UNC5D: variants seen among roughly 807,000 people sequenced by gnomAD.
UNC5D encodes the protein netrin receptor UNC5D.
A neutral mutation model predicts 105.4 loss-of-function variants in UNC5D; 39 were observed. The ratio of observed to expected loss-of-function variants is 0.37; its 90% CI spans 0.29 to 0.48. UNC5D has a LOEUF of 0.48. UNC5D is among the 20% of genes least tolerant of loss of function. The probability of loss-of-function intolerance (pLI) is 0.98; values close to 1 mark genes in which losing one functional copy is unlikely to be tolerated. For synonymous variants in UNC5D, 452 were observed against 450.4 expected, an observed-to-expected ratio of 1.00 and a Z score of -0.04; for missense variants, 991 against 1,202.4, an observed-to-expected ratio of 0.82 and a Z score of 2.60.
At chr8:35,516,257 G>T (rs552421128) in intron 1 of UNC5D, among the ~76,000 whole-genome samples, 1 of 152,248 alleles carries the variant, frequency 6.6e-6, no homozygotes, top group Non-Finnish European at 1.5e-5. Flanking sequence ...CCCATCAGTT[G>T]CATGCAAATC....
At chr8:35,433,367 T>C (rs749236069) in intron 1 of UNC5D, among the ~76,000 whole-genome samples, 2 of 152,204 alleles carry the variant, frequency 1.3e-5, no homozygotes, top group African/African-American at 2.4e-5. Flanking sequence ...ATTTAAAATG[T>C]TCTTTTTCTG....
intron 1 of UNC5D, among the ~76,000 whole-genome samples, chr8:35,258,749 G>A (rs1161511322): frequency 6.6e-6 from 1 of 152,180 alleles, no homozygotes; most frequent in Non-Finnish European, 1.5e-5. Flanking sequence ...TTTCAGTTTA[G>A]CAAGGGAGAT....
At chr8:35,541,774 A>G (rs74763192) in intron 1 of UNC5D, among the ~76,000 whole-genome samples, 1 of 152,108 alleles carries the variant, frequency 6.6e-6, no homozygotes, top group Non-Finnish European at 1.5e-5. Context: ...CAGAAAGTAA[A>G]TATGTCTTAG....
At chr8:35,287,543 C>T (rs1302959865) in intron 1 of UNC5D, among the ~76,000 whole-genome samples, 1 of 98,352 alleles carries the variant, frequency 1.0e-5, no homozygotes, top group Non-Finnish European at 2.2e-5. Flanking sequence ...GCCTGAAATC[C>T]CAGTACTTTG....
At chr8:35,422,187 C>T (rs956943295) in intron 1 of UNC5D, among the ~76,000 whole-genome samples, 1 of 152,198 alleles carries the variant, frequency 6.6e-6, no homozygotes, top group Non-Finnish European at 1.5e-5. Context: ...GGCCCCTTTC[C>T]TGCAAACTTA....
intron 4 of UNC5D, among the ~76,000 whole-genome samples, chr8:35,653,007 G>T (rs1823523862): frequency 7.6e-6 from 1 of 131,782 alleles, no homozygotes; most frequent in African/African-American, 3.0e-5. Flanking sequence ...TTGGCTTACT[G>T]CAACCTCCGC....
intron 2 of UNC5D, among the ~76,000 whole-genome samples, chr8:35,565,410 C>T (rs949593039): frequency 1.3e-4 from 19 of 151,826 alleles, no homozygotes; most frequent in African/African-American, 4.4e-4. Flanking sequence ...CTGTGTTGTT[C>T]GTCTACTTTT....
intron 13 of UNC5D, among the ~76,000 whole-genome samples, chr8:35,751,256 TC>T (rs1446786858): frequency 1.3e-5 from 2 of 152,122 alleles, no homozygotes; most frequent in African/African-American, 4.8e-5. Context: ...TGCCTACTGA[TC>T]CATGTGCAGG....
At chr8:35,429,040 G>A (rs533837817) in intron 1 of UNC5D, among the ~76,000 whole-genome samples, 1 of 152,264 alleles carries the variant, frequency 6.6e-6, no homozygotes. Context: ...CTGGTTAAAT[G>A]GAAAATATGG....
intron 1 of UNC5D, among the ~76,000 whole-genome samples, chr8:35,389,737 T>C (rs927111801): frequency 1.1e-4 from 6 of 54,922 alleles, no homozygotes; most frequent in African/African-American, 4.5e-4. Context: ...TCTGGCTGAT[T>C]TAAAAAAAAA....
At chr8:35,498,084 CAAAAAA>C (rs58175711) in intron 1 of UNC5D, among the ~76,000 whole-genome samples, 10 of 58,136 alleles carry the variant, frequency 1.7e-4, no homozygotes, top group African/African-American at 3.6e-4. Flanking sequence ...CAAAACAAAA[CAAAAAA>C]AAAAAAAAAA....
At chr8:35,284,146 A>G (rs748181342) in intron 1 of UNC5D, among the ~76,000 whole-genome samples, 8 of 152,196 alleles carry the variant, frequency 5.3e-5, no homozygotes, top group Admixed American at 1.3e-4. Flanking sequence ...AAACTATATT[A>G]TGCTAGTGTA....
At chr8:35,286,080 G>A (rs1174173375) in intron 1 of UNC5D, among the ~76,000 whole-genome samples, 4 of 152,120 alleles carry the variant, frequency 2.6e-5, no homozygotes, top group Admixed American at 6.5e-5. Context: ...AGGACTGACT[G>A]TAGCCTTCTG....
intron 3 of UNC5D, among the ~76,000 whole-genome samples, chr8:35,590,332 T>G (rs896769913): frequency 5.9e-5 from 9 of 151,920 alleles, no homozygotes; most frequent in Non-Finnish European, 1.2e-4. Flanking sequence ...GCCTTCCTTT[T>G]CCTAAGATCC....
chr8:35,259,612 T>C (rs1044047496), intron 1 of UNC5D, among the ~76,000 whole-genome samples: 1 of 152,150 alleles, frequency 6.6e-6, no homozygotes, highest in African/African-American at 2.4e-5. Context: ...TTACGTTTTT[T>C]CCTCCTCTCT....
rs934877116 is a variant in UNC5D, at chr8:35,726,715, A to G, written c.1681+186A>G. The G allele has an allele frequency of 5.9e-5, 51 of 859,604 alleles. No homozygotes were observed. In the Middle Eastern group the frequency reaches 7.0e-4, roughly 12 times the overall value. 53.2% of individuals were successfully genotyped at this position (859,604 alleles called of 1,614,324 possible). ...AACCAATGCTGAGATTAGATTTTGC[A>G]GTCTTCATCTCAGCATGGATTGAAT... On this transcript the variant is annotated intron_variant, in intron 10 of 16. Coordinates refer to ENST00000404895, the MANE Select transcript of UNC5D (RefSeq NM_080872.4).
chr8:35,746,351 T>C (rs1830006998), intron 11 of UNC5D, among the ~76,000 whole-genome samples: 1 of 152,264 alleles, frequency 6.6e-6, no homozygotes, highest in African/African-American at 2.4e-5. Flanking sequence ...AAAGGGCATA[T>C]TGTTATTAAT....
chr8:35,501,318 A>G (rs1184148720), intron 1 of UNC5D, among the ~76,000 whole-genome samples: 2 of 152,234 alleles, frequency 1.3e-5, no homozygotes, highest in Non-Finnish European at 2.9e-5. Context: ...TTGGCCTCCC[A>G]CATGTTTGTG....
intron 1 of UNC5D, among the ~76,000 whole-genome samples, chr8:35,436,326 G>T (rs1025134664): frequency 6.6e-6 from 1 of 151,990 alleles, no homozygotes; most frequent in Non-Finnish European, 1.5e-5. Flanking sequence ...GTTTGAAGAT[G>T]TTTAAATTTA....
Sources: allele counts gnomAD v4.1 joint callset (sites outside exome capture counted in the v4.1 genomes callset), GRCh38; gene constraint gnomAD v4.1.1; transcripts MANE v1.5; gene names NCBI Gene and HGNC (gene_info 2026-07-23, HGNC 2026-07-21).